The following TEKT5 variants were observed in gnomAD, a reference collection of about 807,000 sequenced individuals.
TEKT5 encodes the protein tektin-5.
A neutral mutation model predicts 48.7 loss-of-function variants in TEKT5; 52 were observed. The observed-to-expected ratio is 1.07, with a 90% CI of 0.86 to 1.35. TEKT5 has a LOEUF of 1.35. TEKT5 is among the 40% of genes most tolerant of loss of function. The pLI, the probability that TEKT5 is intolerant of heterozygous loss-of-function variation, is 0.00. For missense variants in TEKT5, 831 were observed against 641.6 expected (o/e 1.30, Z -3.19); for synonymous variants, 318 against 267.6 (o/e 1.19, Z -1.84).
At chr16:10,687,310 C>A (rs1898879660) in intron 3 of TEKT5, among the ~76,000 whole-genome samples, 1 of 152,146 alleles carries the variant, frequency 6.6e-6, no homozygotes, top group African/African-American at 2.4e-5. Flanking sequence ...TTCAGAACAT[C>A]ATGTTTTATA....
chr16:10,676,057 G>T lies in TEKT5; in HGVS notation c.988C>A (p.Gln330Lys). 1 of 1,614,244 alleles carries T rather than the reference G, an allele frequency of 6.2e-7. No homozygotes were observed. The highest frequency in any genetic ancestry group is 8.5e-7 in the Non-Finnish European group (1 of 1,180,046). ...AEHLFETLSD[Q>K]MWRQFTDTNL... The stretch of plus-strand genomic sequence containing the variant: ...GTGTCTGTGAACTGCCTCCACATCT[G>T]ATCCGACAAGGTCTCAAAGAGGTGC... Residue 330 changes from glutamine to lysine, a missense_variant, in exon 5 of 7, where the codon CAG becomes AAG. Physicochemically the swap from Gln to Lys is moderately conservative, Grantham distance 53. Transcript: ENST00000283025.
intron 5 of TEKT5, among the ~76,000 whole-genome samples, chr16:10,674,319 G>C (rs1454134439): frequency 6.6e-6 from 1 of 151,852 alleles, no homozygotes; most frequent in Non-Finnish European, 1.5e-5. Flanking sequence ...CTATAAAAAT[G>C]TTGCAATGAT....
chr16:10,669,514 T>C (rs1898519446), intron 5 of TEKT5, among the ~76,000 whole-genome samples: 1 of 152,122 alleles, frequency 6.6e-6, no homozygotes, highest in Non-Finnish European at 1.5e-5. Flanking sequence ...AAGGAAGGCA[T>C]TCTAGCACTT....
chr16:10,690,019 A>C lies in TEKT5; in HGVS notation c.571T>G (p.Leu191Val), dbSNP rs757535268. Residue 191 changes from leucine to valine, a missense_variant, in exon 2 of 7, where the codon TTG becomes GTG. Coordinates refer to ENST00000283025, the MANE Select transcript of TEKT5 (RefSeq NM_144674.2). ...TTCTCTCGATGGTACAGACACTCCAAGGCCACCTGTGGGAAGCAGCAGAAA... is the reference window on the plus strand; with the variant it reads ...TTCTCTCGATGGTACAGACACTCCACGGCCACCTGTGGGAAGCAGCAGAAA... The part of the protein sequence containing the change: ...NEVNCPLQVA[L>V]ECLYHREKRI... 2.7e-5 allele frequency: 44 copies of C among 1,613,926 alleles called. No homozygotes were observed. The highest frequency in any genetic ancestry group is 3.6e-5 in the Non-Finnish European group (42 of 1,180,016).
In TEKT5 at chr16:10,694,693, C is replaced by A; in HGVS notation, c.181G>T (p.Val61Phe). ...GTGCTCTCGTCCGGGCAGGTCTGGA[C>A]GTTGGCTATCTTGTAGAAGAGGCTA... ...RPSLFYKIANVQTCPDESTST... is the reference protein window; with the variant it reads ...RPSLFYKIANFQTCPDESTST... Residue 61 changes from valine (V) to phenylalanine (F), a missense_variant, in exon 1 of 7, where the codon GTC (valine) becomes TTC (phenylalanine). Physicochemically the swap from Val to Phe is conservative, Grantham distance 50. Transcript: ENST00000283025. 6.2e-7 allele frequency: 1 copy of A among 1,613,488 alleles called. No homozygotes were observed. The highest frequency in any genetic ancestry group is 8.5e-7 in the Non-Finnish European group (1 of 1,179,658).
chr16:10,663,015 G>A (rs1006704977), intron 5 of TEKT5, among the ~76,000 whole-genome samples: 3 of 152,154 alleles, frequency 2.0e-5, no homozygotes, highest in Admixed American at 6.5e-5. Context: ...CAGAGGAGAA[G>A]CCGGAAGCAA....
At chr16:10,636,983 A>ATTTT (rs71404408) in intron 5 of TEKT5, among the ~76,000 whole-genome samples, 6,789 of 123,538 alleles carry the variant, frequency 0.055, 450 homozygotes, top group African/African-American at 0.14. Flanking sequence ...CACCTGGCTG[A>ATTTT]TTTTTTTTTT....
intron 5 of TEKT5, among the ~76,000 whole-genome samples, chr16:10,666,145 C>A (rs776432158): frequency 1.3e-4 from 20 of 152,164 alleles, no homozygotes; most frequent in Non-Finnish European, 7.3e-5. Context: ...TGAAGAACCA[C>A]CCTGTTTACC....
intron 5 of TEKT5, among the ~76,000 whole-genome samples, chr16:10,667,215 C>G (rs527854263): frequency 6.6e-6 from 1 of 152,082 alleles, no homozygotes; most frequent in Non-Finnish European, 1.5e-5. Flanking sequence ...AACTCCTGGG[C>G]TCAAGCTATC....
At chr16:10,673,284 C>T (rs543115822) in intron 5 of TEKT5, among the ~76,000 whole-genome samples, 3 of 152,292 alleles carry the variant, frequency 2.0e-5, no homozygotes, top group African/African-American at 7.2e-5. Flanking sequence ...GGACCAAATC[C>T]AGCCCACTGC....
intron 5 of TEKT5, among the ~76,000 whole-genome samples, chr16:10,663,305 C>G (rs1186105285): frequency 6.6e-6 from 1 of 152,132 alleles, no homozygotes; most frequent in Non-Finnish European, 1.5e-5. Context: ...GAGAAAGCCT[C>G]TAAGGCCAAG....
intron 5 of TEKT5, among the ~76,000 whole-genome samples, chr16:10,661,848 A>T (rs538216335): frequency 3.3e-5 from 5 of 152,286 alleles, no homozygotes; most frequent in South Asian, 2.1e-4. Context: ...TGTATAAAGA[A>T]GATGATAATA....
At chr16:10,632,996 G>C (rs1297387853) in intron 6 of TEKT5, among the ~76,000 whole-genome samples, 4 of 152,136 alleles carry the variant, frequency 2.6e-5, no homozygotes, top group Non-Finnish European at 5.9e-5. Context: ...AACGGGAAAC[G>C]GGAAGGCAGA....
intron 6 of TEKT5, among the ~76,000 whole-genome samples, chr16:10,631,023 C>T (rs537333201): frequency 1.3e-5 from 2 of 151,784 alleles, no homozygotes; most frequent in Admixed American, 6.6e-5. Context: ...GCCTGGCCAA[C>T]ATGGTGAAAC....
intron 5 of TEKT5, among the ~76,000 whole-genome samples, chr16:10,647,211 T>C (rs1898083074): frequency 6.6e-6 from 1 of 151,912 alleles, no homozygotes; most frequent in Non-Finnish European, 1.5e-5. Flanking sequence ...GGCTGACAAC[T>C]GTGGTCCCAG....
Position 10,676,180 on chromosome 16 carries a change from T to A in TEKT5, c.865A>T (p.Ile289Phe), listed in dbSNP as rs200658000. The change falls in exon 5 of 7, where the codon ATC becomes TTC. Residue 289 changes from isoleucine to phenylalanine, a missense_variant and splice_region_variant. Transcript: ENST00000283025. ...FHGMEKIDGT[I>F]SVPETWAKFS... ...TTGGCCCAGGTCTCAGGTACGGAGA[T>A]CCTGCAAAGGCACAAGGGTGAGTTG... 3.3e-5 allele frequency: 53 copies of A among 1,614,176 alleles called. No homozygotes were observed. The highest frequency in any genetic ancestry group is 4.3e-5 in the Non-Finnish European group (51 of 1,180,016).
rs113528531 is a variant in TEKT5, at chr16:10,657,658, C to T, written c.1086+18301G>A. Among the ~76,000 whole-genome samples, 292 of 150,338 alleles carry T rather than the reference C, an allele frequency of 1.9e-3. 4 individuals carry two copies. The highest frequency in any genetic ancestry group is 7.0e-3 in the African/African-American group (285 of 40,844). On this transcript the variant is annotated intron_variant, in intron 5 of 6. Coordinates refer to ENST00000283025, the MANE Select transcript of TEKT5 (RefSeq NM_144674.2). The stretch of plus-strand genomic sequence containing the variant: ...AGGCTGGAGTGCAGTGGCGCAATCT[C>T]GGCTCACTGCAAGCTCCACCTCCCG...
intron 5 of TEKT5, among the ~76,000 whole-genome samples, chr16:10,647,508 C>T (rs1033119496): frequency 2.6e-5 from 4 of 151,156 alleles, no homozygotes; most frequent in East Asian, 1.9e-4. Flanking sequence ...ACCTGTGGTA[C>T]GCGCCTTCCT....
At chr16:10,682,173 C>A in intron 3 of TEKT5, 37 bp from the exon 4 acceptor site, 1 of 1,605,664 alleles carries the variant, frequency 6.2e-7, no homozygotes, top group Non-Finnish European at 8.5e-7. Context: ...GACTATGCAC[C>A]TGCACAGAGT....
Sources: allele counts gnomAD v4.1 joint callset (sites outside exome capture counted in the v4.1 genomes callset), GRCh38; gene constraint gnomAD v4.1.1; transcripts MANE v1.5; gene names NCBI Gene and HGNC (gene_info 2026-07-23, HGNC 2026-07-21).